Variants in ST18 observed in about 807,000 individuals in gnomAD.
The protein encoded by ST18 is suppression of tumorigenicity 18 protein.
A neutral mutation model predicts 110.0 loss-of-function variants in ST18; 50 were observed. The ratio of observed to expected loss-of-function variants is 0.45; its 90% CI spans 0.36 to 0.58. ST18 has a LOEUF of 0.58. Ranked by LOEUF, ST18 falls within the 20% of genes least tolerant of loss-of-function variation. ST18 has a pLI of 0.00. For synonymous variants in ST18, 461 were observed against 452.4 expected (o/e 1.02, Z -0.24); for missense variants, 1,306 against 1,280.1 (o/e 1.02, Z -0.31).
intron 2 of ST18, among the ~76,000 whole-genome samples, chr8:52,299,391 C>T (rs1055392208): frequency 6.6e-6 from 1 of 152,088 alleles, no homozygotes; most frequent in Admixed American, 6.5e-5. Flanking sequence ...ATTTTTATTA[C>T]TAGTTGTTTC....
chr8:52,138,381 A>G (rs912265220), intron 17 of ST18, among the ~76,000 whole-genome samples: 2 of 152,200 alleles, frequency 1.3e-5, no homozygotes, highest in Non-Finnish European at 2.9e-5. Flanking sequence ...ATCTCACTCC[A>G]TTAAGATGTG....
chr8:52,390,563 G>A (rs1838958692), intron 2 of ST18, among the ~76,000 whole-genome samples: 1 of 152,238 alleles, frequency 6.6e-6, no homozygotes, highest in Non-Finnish European at 1.5e-5. Context: ...CATTTGAGGT[G>A]AATGTCCCCA....
At chr8:52,233,854 T>C (rs2092095624) in intron 2 of ST18, among the ~76,000 whole-genome samples, 1 of 152,200 alleles carries the variant, frequency 6.6e-6, no homozygotes, top group Admixed American at 6.5e-5. Flanking sequence ...ATTGACACAT[T>C]ATAACTATAT....
chr8:52,242,863 A>G (rs1589179346), intron 2 of ST18, among the ~76,000 whole-genome samples: 1 of 143,404 alleles, frequency 7.0e-6, no homozygotes, highest in Non-Finnish European at 1.5e-5. Flanking sequence ...CAAGAGTGAG[A>G]CTCTGCCTCA....
At chr8:52,297,512 G>A (rs1033140400) in intron 2 of ST18, among the ~76,000 whole-genome samples, 7 of 152,184 alleles carry the variant, frequency 4.6e-5, no homozygotes, top group East Asian at 3.9e-4. Flanking sequence ...TGAGCTTAAA[G>A]CCAGCCTAGA....
Position 52,133,095 on chromosome 8 carries a change from C to A in ST18, c.2406G>T (p.Met802Ile). The part of the protein sequence containing the change: ...CPRARKGGVK[M>I]TPTKEEKEDP... ...CTTCTTTTTCTTCCTTGGTAGGGGT[C>A]ATTTTGACACCACCTTTCCTTGCAC... The change falls in exon 21 of 26, where the codon ATG becomes ATT. Residue 802 changes from methionine to isoleucine, a missense_variant. Met to Ile is a conservative substitution (Grantham distance 10, BLOSUM62 1). Transcript: ENST00000689386. 6.2e-7 allele frequency: 1 copy of A among 1,614,126 alleles called. No homozygotes were observed. The highest frequency in any genetic ancestry group is 8.5e-7 in the Non-Finnish European group (1 of 1,180,016).
At position 52,161,445 on chromosome 8, in the gene ST18, A is replaced by G. The variant is rs2061432380; in HGVS notation, c.1524T>C (p.Asp508=). The change falls in exon 14 of 26, where the codon GAT becomes GAC. Residue 508 remains aspartate, a synonymous_variant. Transcript: ENST00000689386. ...GAGGGCGTTTACCGAAAACTTGGGC[A>G]TCAAAACTGGCATAATCAAATGGTA... ...GKVPFDYASF[D]AQVFGKRPLI... 1.2e-6 allele frequency: 2 copies of G among 1,614,106 alleles called. No homozygotes were observed. Among genetic ancestry groups the G allele is most frequent in the South Asian group, 1.1e-5 (1 of 91,092 alleles).
chr8:52,274,615 G>A (rs1046563102), intron 2 of ST18, among the ~76,000 whole-genome samples: 17 of 148,676 alleles, frequency 1.1e-4, no homozygotes, highest in Admixed American at 2.0e-4. Flanking sequence ...TGTTTGCTCC[G>A]TCTTCTTCAA....
At chr8:52,322,191 G>A (rs1342969454) in intron 2 of ST18, among the ~76,000 whole-genome samples, 1 of 152,194 alleles carries the variant, frequency 6.6e-6, no homozygotes, top group African/African-American at 2.4e-5. Flanking sequence ...TGGAAGGCAA[G>A]GAGGAGGGAG....
At chr8:52,279,968 A>G (rs1226187990) in intron 2 of ST18, among the ~76,000 whole-genome samples, 1 of 152,174 alleles carries the variant, frequency 6.6e-6, no homozygotes, top group East Asian at 1.9e-4. Context: ...ACAGATACCA[A>G]TGCTAGAAAG....
chr8:52,291,486 C>T (rs956976522), intron 2 of ST18, among the ~76,000 whole-genome samples: 5 of 152,316 alleles, frequency 3.3e-5, no homozygotes, highest in Middle Eastern at 3.4e-3. Flanking sequence ...GAATATTAAA[C>T]GAATCTTGCA....
intron 8 of ST18, among the ~76,000 whole-genome samples, chr8:52,203,317 G>A (rs1212148669): frequency 6.6e-5 from 10 of 152,208 alleles, no homozygotes; most frequent in South Asian, 2.1e-4. Flanking sequence ...AAACAGCCCC[G>A]GAACACAGGG....
At chr8:52,259,912 C>G (rs2094632781) in intron 2 of ST18, among the ~76,000 whole-genome samples, 2 of 152,148 alleles carry the variant, frequency 1.3e-5, no homozygotes, top group South Asian at 4.1e-4. Context: ...CTTTTCTTTT[C>G]TTTTATCCTT....
intron 2 of ST18, among the ~76,000 whole-genome samples, chr8:52,332,723 T>A (rs1029649723): frequency 2.6e-5 from 4 of 151,832 alleles, no homozygotes; most frequent in African/African-American, 9.7e-5. Flanking sequence ...TGGTGGCGCA[T>A]GCCTGTAATC....
intron 2 of ST18, among the ~76,000 whole-genome samples, chr8:52,237,051 C>T (rs2092775812): frequency 6.6e-6 from 1 of 152,202 alleles, no homozygotes; most frequent in Admixed American, 6.5e-5. Context: ...TCAGGTTCCT[C>T]ATCTGTTAAA....
Position 52,279,797 on chromosome 8 carries a change from A to G in ST18, c.-464-49720T>C, listed in dbSNP as rs79246006. Reference sequence around the variant, plus strand: ...CAACGTGAACAATTCTGTCTTCACTATCTTCAAACAAACACAAATTAAAAG... The same window carrying G: ...CAACGTGAACAATTCTGTCTTCACTGTCTTCAAACAAACACAAATTAAAAG... On this transcript the variant is annotated intron_variant, in intron 2 of 25. Coordinates refer to ENST00000689386, the MANE Select transcript of ST18 (RefSeq NM_001352837.2). 3.1e-3 allele frequency among the ~76,000 whole-genome samples: 476 copies of G among 152,306 alleles called. 3 individuals are homozygous for G. Among genetic ancestry groups the G allele is most frequent in the African/African-American group, 0.011 (455 of 41,570 alleles).
chr8:52,250,142 T>C (rs1475091880), intron 2 of ST18, among the ~76,000 whole-genome samples: 1 of 152,040 alleles, frequency 6.6e-6, no homozygotes, highest in Non-Finnish European at 1.5e-5. Flanking sequence ...ATTGTCCAGC[T>C]TGTCCCTGGA....
At chr8:52,246,977 T>C (rs1245891243) in intron 2 of ST18, among the ~76,000 whole-genome samples, 1 of 152,052 alleles carries the variant, frequency 6.6e-6, no homozygotes, top group Non-Finnish European at 1.5e-5. Context: ...ATATGTGAAC[T>C]CAAAAAGGGA....
At chr8:52,290,970 CCAGCTTAAAA>C (rs2095547463) in intron 2 of ST18, among the ~76,000 whole-genome samples, 1 of 152,216 alleles carries the variant, frequency 6.6e-6, no homozygotes, top group Non-Finnish European at 1.5e-5. Context: ...CTGTCCATCA[CCAGCTTAAAA>C]AGCATCTCCC....
Sources: gnomAD v4.1 joint callset for allele counts (sites outside exome capture counted in the v4.1 genomes callset) on GRCh38, gnomAD v4.1.1 for gene constraint, MANE v1.5 for transcripts, NCBI Gene and HGNC (gene_info 2026-07-23, HGNC 2026-07-21) for gene names.